Variants in SAMMSON observed in about 807,000 individuals in gnomAD.
SAMMSON encodes long intergenic non-protein coding RNA 1212.
At chr3:70,325,937 C>T (rs1436712734) in intron 7 of SAMMSON, among the ~76,000 whole-genome samples, 1 of 152,160 alleles carries the variant, frequency 6.6e-6, no homozygotes, top group East Asian at 1.9e-4. Context: ...TGTGTTTCTT[C>T]ACGTATTTAC....
At chr3:70,300,166 A>G (rs1702333840) in intron 7 of SAMMSON, among the ~76,000 whole-genome samples, 1 of 151,994 alleles carries the variant, frequency 6.6e-6, no homozygotes, top group Non-Finnish European at 1.5e-5. Flanking sequence ...TATTCATGTC[A>G]TTTTTTAGCA....
At chr3:70,319,737 C>A (rs548149912) in intron 7 of SAMMSON, among the ~76,000 whole-genome samples, 1 of 152,036 alleles carries the variant, frequency 6.6e-6, no homozygotes, top group East Asian at 1.9e-4. Context: ...TAAAAGTATT[C>A]TTTGAGCTAA....
At chr3:70,099,356 T>C (rs2067334409) in intron 4 of SAMMSON, among the ~76,000 whole-genome samples, 1 of 152,210 alleles carries the variant, frequency 6.6e-6, no homozygotes, top group African/African-American at 2.4e-5. Flanking sequence ...GTTCTGCTTG[T>C]TCCACATTTT....
At chr3:70,378,409 A>G (rs1414704298) in intron 9 of SAMMSON, among the ~76,000 whole-genome samples, 1 of 152,092 alleles carries the variant, frequency 6.6e-6, no homozygotes, top group Non-Finnish European at 1.5e-5. Context: ...AATGATAAAA[A>G]TGTCCTCTGC....
chr3:70,336,669 A>G (rs1481432956), intron 7 of SAMMSON, among the ~76,000 whole-genome samples: 1 of 151,998 alleles, frequency 6.6e-6, no homozygotes, highest in African/African-American at 2.4e-5. Context: ...GATGTCTGAG[A>G]TGGACCTTGG....
intron 7 of SAMMSON, among the ~76,000 whole-genome samples, chr3:70,340,940 A>G (rs1702706729): frequency 2.0e-5 from 3 of 152,130 alleles, no homozygotes; most frequent in Admixed American, 2.0e-4. Flanking sequence ...GTGATCTTGA[A>G]TGAGTTAATA....
At chr3:70,233,515 A>G (rs1437211567) in intron 4 of SAMMSON, among the ~76,000 whole-genome samples, 1 of 152,216 alleles carries the variant, frequency 6.6e-6, no homozygotes, top group Non-Finnish European at 1.5e-5. Flanking sequence ...ACAATAATTG[A>G]CAAGGCTTTA....
At chr3:70,100,672 G>A (rs1559791057) in intron 4 of SAMMSON, among the ~76,000 whole-genome samples, 2 of 152,094 alleles carry the variant, frequency 1.3e-5, no homozygotes. Flanking sequence ...GAATCTGAAC[G>A]ATATGTTAAT....
intron 2 of SAMMSON, among the ~76,000 whole-genome samples, chr3:70,397,485 G>A (rs1382559059): frequency 6.6e-6 from 1 of 152,048 alleles, no homozygotes; most frequent in Admixed American, 6.6e-5. Context: ...GTAATATTCT[G>A]TAGAAAAAGG....
At chr3:70,264,693 G>A (rs2030527) in intron 6 of SAMMSON, among the ~76,000 whole-genome samples, 35,642 of 152,148 alleles carry the variant, frequency 0.23, 4,319 homozygotes, top group South Asian at 0.31. Flanking sequence ...AGTGAACATG[G>A]CAGATGCAGT....
intron 6 of SAMMSON, among the ~76,000 whole-genome samples, chr3:70,280,236 C>T (rs1355009962): frequency 6.6e-6 from 1 of 152,124 alleles, no homozygotes; most frequent in Non-Finnish European, 1.5e-5. Flanking sequence ...CCTCCTCTCC[C>T]TTAAAAAGAT....
chr3:70,040,092 T>C (rs1278074357), intron 3 of SAMMSON, among the ~76,000 whole-genome samples: 1 of 152,110 alleles, frequency 6.6e-6, no homozygotes, highest in East Asian at 1.9e-4. Flanking sequence ...AGCTCCCTAC[T>C]TACCAGCTGA....
intron 4 of SAMMSON, among the ~76,000 whole-genome samples, chr3:70,135,107 G>A (rs1447881239): frequency 1.3e-5 from 2 of 152,064 alleles, no homozygotes; most frequent in Non-Finnish European, 2.9e-5. Flanking sequence ...CAGGTATAAA[G>A]GTGGTGAGAG....
intron 4 of SAMMSON, among the ~76,000 whole-genome samples, chr3:70,074,377 T>C (rs1405253552): frequency 6.6e-6 from 1 of 152,212 alleles, no homozygotes; most frequent in Admixed American, 6.6e-5. Context: ...ATACTTACTT[T>C]GATTCAAGAG....
At chr3:70,251,220 G>T (rs1701764761) in intron 6 of SAMMSON, among the ~76,000 whole-genome samples, 1 of 152,162 alleles carries the variant, frequency 6.6e-6, no homozygotes, top group Non-Finnish European at 1.5e-5. Flanking sequence ...GGTTATTACT[G>T]TCTCAGAATT....
intron 3 of SAMMSON, among the ~76,000 whole-genome samples, chr3:70,042,737 C>T (rs574462778): frequency 4.6e-5 from 7 of 152,048 alleles, no homozygotes; most frequent in Non-Finnish European, 1.0e-4. Flanking sequence ...TAATGTTGAA[C>T]TGAGTGAATA....
intron 3 of SAMMSON, among the ~76,000 whole-genome samples, chr3:70,062,652 C>T (rs1430078968): frequency 6.6e-6 from 1 of 152,044 alleles, no homozygotes; most frequent in Non-Finnish European, 1.5e-5. Context: ...TGACTTTTAT[C>T]CTCCCTCTAA....
chr3:70,379,748 A>T (rs805482), intron 9 of SAMMSON, among the ~76,000 whole-genome samples: 1 of 151,848 alleles, frequency 6.6e-6, no homozygotes, highest in African/African-American at 2.4e-5. Flanking sequence ...GAGTCTGGGC[A>T]ACTAATTTCC....
At chr3:70,302,110 C>G (rs954674889) in intron 7 of SAMMSON, among the ~76,000 whole-genome samples, 1 of 152,118 alleles carries the variant, frequency 6.6e-6, no homozygotes, top group Non-Finnish European at 1.5e-5. Flanking sequence ...AAGTTATACG[C>G]TGGCAAAACT....
Sources: gnomAD v4.1 joint callset for allele counts (sites outside exome capture counted in the v4.1 genomes callset) on GRCh38, gnomAD v4.1.1 for gene constraint, MANE v1.5 for transcripts, NCBI Gene and HGNC (gene_info 2026-07-23, HGNC 2026-07-21) for gene names.